The following NTNG1 variants were observed in gnomAD, a reference collection of about 807,000 sequenced individuals.
NTNG1 encodes netrin-G1.
A neutral mutation model predicts 54.0 loss-of-function variants in NTNG1; 16 were observed. The ratio of observed to expected loss-of-function variants is 0.30; its 90% CI spans 0.20 to 0.45. The LOEUF is 0.45. NTNG1 is among the 20% of genes least tolerant of loss of function. NTNG1 has a pLI of 1.00. For synonymous variants in NTNG1, 255 were observed against 263.1 expected (o/e 0.97, Z 0.30); for missense variants, 530 against 678.7 (o/e 0.78, Z 2.43).
intron 2 of NTNG1, among the ~76,000 whole-genome samples, chr1:107,289,991 C>A (rs1260588761): frequency 6.6e-6 from 1 of 152,070 alleles, no homozygotes; most frequent in Non-Finnish European, 1.5e-5. Flanking sequence ...GAGTATTGAC[C>A]TCAACATATG....
chr1:107,157,672 G>A (rs75400763), intron 2 of NTNG1, among the ~76,000 whole-genome samples: 4,390 of 152,026 alleles, frequency 0.029, 215 homozygotes, highest in African/African-American at 0.1. Flanking sequence ...TTTTAAAGAT[G>A]CATTTATTGA....
chr1:107,331,249 C>T (rs568879597), intron 3 of NTNG1, among the ~76,000 whole-genome samples: 3 of 122,582 alleles, frequency 2.4e-5, no homozygotes, highest in Non-Finnish European at 5.5e-5. Flanking sequence ...TATAGAAGAC[C>T]CCAAAAATTC....
chr1:107,317,062 G>T (rs1396513088), intron 2 of NTNG1, among the ~76,000 whole-genome samples: 2 of 152,120 alleles, frequency 1.3e-5, no homozygotes, highest in African/African-American at 4.8e-5. Flanking sequence ...TTCAGTAAAT[G>T]GACTTCAAAG....
At chr1:107,422,576 T>A (rs1401173381) in intron 5 of NTNG1, among the ~76,000 whole-genome samples, 1 of 151,994 alleles carries the variant, frequency 6.6e-6, no homozygotes, top group Non-Finnish European at 1.5e-5. Flanking sequence ...TGGAAGAGCT[T>A]CAACAGCTAC....
chr1:107,313,605 G>A (rs761276061), intron 2 of NTNG1, among the ~76,000 whole-genome samples: 9 of 152,076 alleles, frequency 5.9e-5, no homozygotes, highest in African/African-American at 9.7e-5. Flanking sequence ...AGAAGACCAC[G>A]GGTGCACATT....
At chr1:107,333,653 G>C (rs1668409651) in intron 3 of NTNG1, among the ~76,000 whole-genome samples, 1 of 151,794 alleles carries the variant, frequency 6.6e-6, no homozygotes, top group Non-Finnish European at 1.5e-5. Context: ...GTGTGCATGT[G>C]TGTGTTTGTG....
At chr1:107,453,041 C>G (rs1361827456) in intron 7 of NTNG1, among the ~76,000 whole-genome samples, 1 of 152,134 alleles carries the variant, frequency 6.6e-6, no homozygotes, top group African/African-American at 2.4e-5. Context: ...TATGCTGAGG[C>G]AGAGTATGGA....
intron 2 of NTNG1, among the ~76,000 whole-genome samples, chr1:107,265,830 G>A (rs1210411585): frequency 6.6e-6 from 1 of 152,128 alleles, no homozygotes; most frequent in Non-Finnish European, 1.5e-5. Context: ...AGCAAAGATG[G>A]GAGTACTCTC....
chr1:107,381,780 T>C (rs1051759961), intron 3 of NTNG1, among the ~76,000 whole-genome samples: 3 of 152,214 alleles, frequency 2.0e-5, no homozygotes, highest in African/African-American at 7.2e-5. Context: ...ACAGGCTGGA[T>C]CATGGGCTAC....
chr1:107,158,318 C>T (rs936400142), intron 2 of NTNG1, among the ~76,000 whole-genome samples: 1 of 152,082 alleles, frequency 6.6e-6, no homozygotes, highest in Non-Finnish European at 1.5e-5. Context: ...CTGAGATCGG[C>T]AGGTTGTAAA....
At chr1:107,237,956 C>G (rs1288467620) in intron 2 of NTNG1, among the ~76,000 whole-genome samples, 1 of 152,142 alleles carries the variant, frequency 6.6e-6, no homozygotes, top group Non-Finnish European at 1.5e-5. Context: ...TACTGGGGCA[C>G]CACCTAGTGG....
chr1:107,303,315 G>A (rs987581657), intron 2 of NTNG1, among the ~76,000 whole-genome samples: 5 of 152,104 alleles, frequency 3.3e-5, no homozygotes, highest in Non-Finnish European at 7.4e-5. Context: ...CTGTTAGTGA[G>A]AGTTAACCAC....
intron 7 of NTNG1, among the ~76,000 whole-genome samples, chr1:107,477,888 G>A (rs952928744): frequency 5.9e-5 from 9 of 152,216 alleles, no homozygotes; most frequent in East Asian, 1.9e-4. Flanking sequence ...ATTGATAAGG[G>A]CATTTTAATG....
intron 3 of NTNG1, among the ~76,000 whole-genome samples, chr1:107,364,773 G>A (rs1408563494): frequency 6.6e-6 from 1 of 152,170 alleles, no homozygotes; most frequent in Non-Finnish European, 1.5e-5. Flanking sequence ...TTACAGATAA[G>A]AGTAGTTCCA....
chr1:107,183,482 T>A (rs1246022023), intron 2 of NTNG1, among the ~76,000 whole-genome samples: 1 of 152,116 alleles, frequency 6.6e-6, no homozygotes. Flanking sequence ...AGTAATAAAG[T>A]TGTATTTCTC....
chr1:107,200,839 A>G (rs1372679413), intron 2 of NTNG1, among the ~76,000 whole-genome samples: 3 of 151,848 alleles, frequency 2.0e-5, no homozygotes, highest in Non-Finnish European at 2.9e-5. Flanking sequence ...TTAGCACTGC[A>G]TAGATAAAAA....
chr1:107,322,290 C>T (rs776986241), intron 2 of NTNG1, among the ~76,000 whole-genome samples: 1 of 152,104 alleles, frequency 6.6e-6, no homozygotes, highest in Non-Finnish European at 1.5e-5. Context: ...GTGGATCCCA[C>T]AGCGCCTTTC....
intron 2 of NTNG1, among the ~76,000 whole-genome samples, chr1:107,150,150 A>G (rs75783875): frequency 0.018 from 2,677 of 152,276 alleles, 32 homozygotes; most frequent in Non-Finnish European, 0.026. Flanking sequence ...GCACTTGGCT[A>G]TTAGGTGTCA....
chr1:107,224,053 T>C (rs1660521706), intron 2 of NTNG1, among the ~76,000 whole-genome samples: 1 of 152,212 alleles, frequency 6.6e-6, no homozygotes, highest in South Asian at 2.1e-4. Context: ...GATCCCCTAA[T>C]GGACCAGTTA....
Sources: allele counts gnomAD v4.1 joint callset (sites outside exome capture counted in the v4.1 genomes callset), GRCh38; gene constraint gnomAD v4.1.1; transcripts MANE v1.5; gene names NCBI Gene and HGNC (gene_info 2026-07-23, HGNC 2026-07-21).